Variants in SPAG16 observed in about 807,000 individuals in gnomAD.
The protein encoded by SPAG16 is sperm-associated antigen 16 protein.
A neutral mutation model predicts 80.4 loss-of-function variants in SPAG16; 86 were observed. That is an observed-to-expected ratio of 1.07 (90% CI 0.90 to 1.28). The LOEUF is 1.28. Among genes scored for constraint, SPAG16 ranks in the 50% most tolerant of loss-of-function variants. The pLI is 0.00. For missense variants in SPAG16, 870 were observed against 765.3 expected (o/e 1.14, Z -1.61); for synonymous variants, 294 against 265.9 (o/e 1.11, Z -1.03).
chr2:213,689,389 G>A (rs1351091182), intron 10 of SPAG16, among the ~76,000 whole-genome samples: 2 of 152,160 alleles, frequency 1.3e-5, no homozygotes, highest in Non-Finnish European at 2.9e-5. Flanking sequence ...GCCAAACAAT[G>A]TGAGTTTTAC....
At chr2:213,887,414 C>T (rs2076600631) in intron 11 of SPAG16, among the ~76,000 whole-genome samples, 1 of 151,854 alleles carries the variant, frequency 6.6e-6, no homozygotes, top group Non-Finnish European at 1.5e-5. Context: ...AAATGACTCT[C>T]ATATCGTATT....
chr2:214,143,183 A>G (rs1196223222), intron 14 of SPAG16, among the ~76,000 whole-genome samples: 2 of 148,634 alleles, frequency 1.3e-5, no homozygotes, highest in Non-Finnish European at 3.0e-5. Context: ...CTGTGGCTCA[A>G]TTTCCTCATT....
At chr2:213,866,809 T>A (rs974904479) in intron 11 of SPAG16, among the ~76,000 whole-genome samples, 3 of 152,222 alleles carry the variant, frequency 2.0e-5, no homozygotes, top group African/African-American at 7.2e-5. Context: ...GTGTTTACTC[T>A]CTTTAAATGT....
chr2:213,663,307 A>G (rs1179722797), intron 10 of SPAG16, among the ~76,000 whole-genome samples: 1 of 152,110 alleles, frequency 6.6e-6, no homozygotes, highest in Non-Finnish European at 1.5e-5. Context: ...CATAGACTCA[A>G]GTTTAGTTTA....
intron 12 of SPAG16, among the ~76,000 whole-genome samples, chr2:214,007,420 A>T (rs115839728): frequency 0.025 from 3,784 of 151,110 alleles, 159 homozygotes; most frequent in African/African-American, 0.088. Flanking sequence ...ATATAGCAAG[A>T]CTCTATCTCT....
chr2:214,237,908 CTA>C (rs961092056), intron 15 of SPAG16, among the ~76,000 whole-genome samples: 7 of 151,980 alleles, frequency 4.6e-5, no homozygotes, highest in African/African-American at 1.7e-4. Context: ...GTTTTAATTC[CTA>C]TGTTTCATGT....
At chr2:213,768,983 A>G (rs1429061934) in intron 10 of SPAG16, among the ~76,000 whole-genome samples, 2 of 152,168 alleles carry the variant, frequency 1.3e-5, no homozygotes, top group African/African-American at 4.8e-5. Context: ...AGTGTCAGGA[A>G]ATCCCAGGAA....
At chr2:213,587,899 T>C (rs555812270) in intron 10 of SPAG16, among the ~76,000 whole-genome samples, 62 of 152,218 alleles carry the variant, frequency 4.1e-4, no homozygotes, top group Non-Finnish European at 5.0e-4. Context: ...GTACCCATTA[T>C]ATGATTAAAA....
intron 10 of SPAG16, among the ~76,000 whole-genome samples, chr2:213,792,908 A>G (rs981271977): frequency 6.6e-6 from 1 of 151,086 alleles, no homozygotes; most frequent in Non-Finnish European, 1.5e-5. Context: ...TAAGATCTTT[A>G]AGTAATTTTT....
At chr2:214,169,012 C>T (rs984742341) in intron 15 of SPAG16, among the ~76,000 whole-genome samples, 2 of 152,046 alleles carry the variant, frequency 1.3e-5, no homozygotes, top group African/African-American at 4.8e-5. Context: ...AAAACTAAGT[C>T]ATTATGATTG....
intron 15 of SPAG16, among the ~76,000 whole-genome samples, chr2:214,405,191 T>C (rs1469390340): frequency 1.3e-5 from 2 of 152,152 alleles, no homozygotes; most frequent in South Asian, 2.1e-4. Flanking sequence ...ACGGTGGGAA[T>C]AGCTCACTGC....
intron 13 of SPAG16, among the ~76,000 whole-genome samples, chr2:214,080,439 A>G (rs967417033): frequency 4.2e-5 from 4 of 95,498 alleles, no homozygotes; most frequent in African/African-American, 1.7e-4. Context: ...TCTACTAAAA[A>G]TACAAAAAAA....
intron 10 of SPAG16, among the ~76,000 whole-genome samples, chr2:213,680,087 A>G (rs557350614): frequency 6.6e-5 from 10 of 152,306 alleles, no homozygotes; most frequent in African/African-American, 1.7e-4. Context: ...CAAAAGCAGA[A>G]GGAACAAGTA....
At chr2:214,088,700 G>GA (rs1289677769) in intron 13 of SPAG16, among the ~76,000 whole-genome samples, 2 of 151,882 alleles carry the variant, frequency 1.3e-5, no homozygotes, top group East Asian at 1.9e-4. Flanking sequence ...ATACCCTGGG[G>GA]AAAAAAATTG....
At chr2:213,991,472 T>C (rs760617477) in intron 12 of SPAG16, among the ~76,000 whole-genome samples, 10 of 152,190 alleles carry the variant, frequency 6.6e-5, no homozygotes, top group Non-Finnish European at 8.8e-5. Context: ...TGTGTACATG[T>C]GTCTTTATAG....
At chr2:213,892,117 C>T (rs1007635160) in intron 11 of SPAG16, among the ~76,000 whole-genome samples, 5 of 152,064 alleles carry the variant, frequency 3.3e-5, no homozygotes, top group African/African-American at 4.8e-5. Flanking sequence ...AGCAGCACCA[C>T]ACGAAAGGAG....
chr2:213,908,588 C>A (rs2077523054), intron 11 of SPAG16, among the ~76,000 whole-genome samples: 1 of 152,128 alleles, frequency 6.6e-6, no homozygotes, highest in Admixed American at 6.6e-5. Context: ...GACGAGAATT[C>A]ATAATACCTA....
At chr2:213,516,602 T>C (rs2075433563) in intron 10 of SPAG16, among the ~76,000 whole-genome samples, 1 of 152,076 alleles carries the variant, frequency 6.6e-6, no homozygotes, top group Non-Finnish European at 1.5e-5. Flanking sequence ...CTATTTTAGG[T>C]GGTAGAATTC....
In SPAG16 at chr2:213,986,891, C is replaced by CAAAAAAA. The variant is rs369965944; in HGVS notation, c.1401-27039_1401-27033dup. 3.5e-4 allele frequency among the ~76,000 whole-genome samples: 20 copies of CAAAAAAA among 57,640 alleles called. 1 individual carries two copies. Among genetic ancestry groups the CAAAAAAA allele is most frequent in the African/African-American group, 8.9e-4 (17 of 19,196 alleles). 37.8% of individuals were successfully genotyped at this position (57,640 alleles called of 152,430 possible). ...GTCAATTTGTCTGCCTCTGGTATAGCAAAAAAAAAAAAAAAAAAAAAAAAA... is the reference window on the plus strand; with the variant it reads ...GTCAATTTGTCTGCCTCTGGTATAGCAAAAAAAAAAAAAAAAAAAAAAAAAAAAAAAA... On this transcript the variant is annotated intron_variant, in intron 12 of 15. Coordinates refer to ENST00000331683, the MANE Select transcript of SPAG16 (RefSeq NM_024532.5).
Sources: allele counts gnomAD v4.1 joint callset (sites outside exome capture counted in the v4.1 genomes callset), GRCh38; gene constraint gnomAD v4.1.1; transcripts MANE v1.5; gene names NCBI Gene and HGNC (gene_info 2026-07-23, HGNC 2026-07-21).